The following DPP6 variants were observed in gnomAD, a reference collection of about 807,000 sequenced individuals.
The protein encoded by DPP6 is A-type potassium channel modulatory protein DPP6.
DPP6 carries 69 observed loss-of-function variants against 122.6 expected under a neutral mutation model. The ratio of observed to expected loss-of-function variants is 0.56; its 90% CI spans 0.46 to 0.69. DPP6 has a LOEUF of 0.69. DPP6 is among the 30% of genes least tolerant of loss of function. The pLI is 0.00. For synonymous variants in DPP6, 418 were observed against 433.1 expected (o/e 0.97, Z 0.43); for missense variants, 928 against 1,116.9 (o/e 0.83, Z 2.41).
At chr7:153,880,065 T>C in the DPP6 span, among the ~76,000 whole-genome samples, 1 of 152,222 alleles carries the variant, frequency 6.6e-6, no homozygotes, top group East Asian at 1.9e-4. Context: ...AAGGTTCATT[T>C]ATGAATGTGT....
At chr7:154,651,570 G>T (rs753489117) in intron 6 of DPP6, among the ~76,000 whole-genome samples, 1 of 152,238 alleles carries the variant, frequency 6.6e-6, no homozygotes, top group African/African-American at 2.4e-5. Context: ...ATCCTTTGCA[G>T]TGCCGCGGGG....
intron 1 of DPP6, among the ~76,000 whole-genome samples, chr7:154,410,406 A>G (rs1307281717): frequency 6.6e-6 from 1 of 152,230 alleles, no homozygotes; most frequent in Admixed American, 6.5e-5. Flanking sequence ...GGATTAAAAT[A>G]TTTCCGATTC....
chr7:153,960,718 C>CATGTGT (rs111803135), intron 1 of DPP6, among the ~76,000 whole-genome samples: 13 of 147,246 alleles, frequency 8.8e-5, no homozygotes, highest in African/African-American at 2.8e-4. Flanking sequence ...TGTGTGCATG[C>CATGTGT]GTGTGTGTGT....
intron 16 of DPP6, among the ~76,000 whole-genome samples, chr7:154,827,212 A>G (rs756782077): frequency 1.1e-4 from 16 of 150,778 alleles, no homozygotes; most frequent in Non-Finnish European, 2.2e-4. Context: ...ACACACACAC[A>G]CACACACACA....
rs185386621 is a variant in DPP6, at chr7:154,505,592, C to T, written c.457+30555C>T. On this transcript the variant is annotated intron_variant, in intron 3 of 25. Coordinates refer to ENST00000377770, the MANE Select transcript of DPP6 (RefSeq NM_130797.4). ...AAGGGTACTTGAGGAACATGGGTCA[C>T]GTCTTTTATAGAATATTCTTCAATT... 5.3e-5 allele frequency among the ~76,000 whole-genome samples: 8 copies of T among 152,272 alleles called. No individual in the cohort carries two copies. In the East Asian group the frequency reaches 5.8e-4, roughly 11 times the overall value.
chr7:153,989,827 A>G (rs911689695), intron 1 of DPP6, among the ~76,000 whole-genome samples: 11 of 151,898 alleles, frequency 7.2e-5, no homozygotes, highest in African/African-American at 1.9e-4. Flanking sequence ...TAGGGACAGC[A>G]TGTCCAATTA....
chr7:154,393,097 T>C (rs1814762890), intron 1 of DPP6, among the ~76,000 whole-genome samples: 1 of 152,228 alleles, frequency 6.6e-6, no homozygotes, highest in African/African-American at 2.4e-5. Flanking sequence ...CCATTTTCTG[T>C]AGTCCTTTTA....
At chr7:154,267,136 G>C (rs1015863435) in intron 1 of DPP6, among the ~76,000 whole-genome samples, 1 of 151,808 alleles carries the variant, frequency 6.6e-6, no homozygotes, top group Non-Finnish European at 1.5e-5. Context: ...TAAAGTCAAG[G>C]TTACTAAGAT....
the DPP6 span, among the ~76,000 whole-genome samples, chr7:153,755,686 G>A: frequency 6.6e-6 from 1 of 152,006 alleles, no homozygotes; most frequent in East Asian, 1.9e-4. Context: ...TAGGAATTGA[G>A]CAGCCTCCTC....
chr7:154,125,707 C>T (rs1306772990), intron 1 of DPP6, among the ~76,000 whole-genome samples: 1 of 152,148 alleles, frequency 6.6e-6, no homozygotes, highest in African/African-American at 2.4e-5. Context: ...ACGGATGACC[C>T]CTGTGGCTAG....
At chr7:154,133,594 A>T (rs71221684) in intron 1 of DPP6, among the ~76,000 whole-genome samples, 1 of 152,212 alleles carries the variant, frequency 6.6e-6, no homozygotes, top group African/African-American at 2.4e-5. Flanking sequence ...ACTTCCTCAC[A>T]TTATAGTTTT....
At chr7:154,365,648 G>A (rs887880385) in intron 1 of DPP6, among the ~76,000 whole-genome samples, 20 of 152,138 alleles carry the variant, frequency 1.3e-4, no homozygotes, top group African/African-American at 4.6e-4. Flanking sequence ...CACATTCACC[G>A]TCCTTCTTAA....
At chr7:154,585,055 C>T (rs1277820389) in intron 5 of DPP6, among the ~76,000 whole-genome samples, 2 of 152,160 alleles carry the variant, frequency 1.3e-5, no homozygotes, top group African/African-American at 4.8e-5. Flanking sequence ...ACTCCCCCTG[C>T]TCTGCTTCCT....
chr7:154,857,924 G>A (rs1196113253), intron 17 of DPP6, among the ~76,000 whole-genome samples: 1 of 152,200 alleles, frequency 6.6e-6, no homozygotes, highest in Non-Finnish European at 1.5e-5. Context: ...CAACACAAAG[G>A]CAGGCAGTGA....
At chr7:153,765,789 C>T in the DPP6 span, among the ~76,000 whole-genome samples, 1 of 152,208 alleles carries the variant, frequency 6.6e-6, no homozygotes, top group Non-Finnish European at 1.5e-5. Context: ...ATTTTCTTTA[C>T]ACACCGTACT....
chr7:153,900,403 C>A (rs1424334383), intron 1 of DPP6, among the ~76,000 whole-genome samples: 1 of 152,110 alleles, frequency 6.6e-6, no homozygotes, highest in Non-Finnish European at 1.5e-5. Flanking sequence ...TTATTTTGCT[C>A]ACGGTTCTGC....
At chr7:154,092,798 T>A (rs1485912027) in intron 1 of DPP6, 13 of 151,976 alleles carry the variant, frequency 8.6e-5, no homozygotes, top group Non-Finnish European at 2.9e-5. Context: ...CTCATCAAAT[T>A]TTCACCTCCT....
intron 3 of DPP6, among the ~76,000 whole-genome samples, chr7:154,514,527 T>A (rs1027269228): frequency 1.3e-5 from 2 of 152,106 alleles, no homozygotes; most frequent in Non-Finnish European, 2.9e-5. Context: ...TGAAACTCTG[T>A]CCCTATTAAA....
At chr7:153,758,375 CTG>C in the DPP6 span, among the ~76,000 whole-genome samples, 5 of 152,332 alleles carry the variant, frequency 3.3e-5, no homozygotes, top group South Asian at 1.0e-3. Flanking sequence ...GTATAGTTGA[CTG>C]TGCATATTTA....
Sources: gnomAD v4.1 joint callset for allele counts (sites outside exome capture counted in the v4.1 genomes callset) on GRCh38, gnomAD v4.1.1 for gene constraint, MANE v1.5 for transcripts, NCBI Gene and HGNC (gene_info 2026-07-23, HGNC 2026-07-21) for gene names.